ROR1: variants seen among roughly 807,000 people sequenced by gnomAD.
The protein encoded by ROR1 is ROR family WNT receptor 1, also known as inactive tyrosine-protein kinase transmembrane receptor ROR1.
In ROR1, 19 loss-of-function variants were observed where a neutral mutation model predicts 78.8. That is an observed-to-expected ratio of 0.24 (90% CI 0.17 to 0.35). The LOEUF is 0.35. Among genes scored for constraint, ROR1 ranks in the 10% least tolerant of loss-of-function variants. ROR1 has a pLI of 1.00. For synonymous variants in ROR1, 386 were observed against 433.6 expected (o/e 0.89, Z 1.36); for missense variants, 917 against 1,177.8 (o/e 0.78, Z 3.24).
At chr1:63,815,792 C>T (rs552150040) in intron 1 of ROR1, among the ~76,000 whole-genome samples, 88 of 152,092 alleles carry the variant, frequency 5.8e-4, no homozygotes, top group African/African-American at 1.8e-3. Flanking sequence ...TGTGGGGAAC[C>T]GCCATGAATT....
At chr1:64,065,603 G>A (rs767135107) in intron 4 of ROR1, among the ~76,000 whole-genome samples, 4 of 152,134 alleles carry the variant, frequency 2.6e-5, no homozygotes, top group South Asian at 2.1e-4. Context: ...GCATACATGT[G>A]CAGAACCTCA....
intron 1 of ROR1, among the ~76,000 whole-genome samples, chr1:63,793,801 TC>T (rs1298717874): frequency 2.0e-5 from 3 of 152,192 alleles, no homozygotes; most frequent in African/African-American, 7.2e-5. Flanking sequence ...AGCCGAGCCA[TC>T]CAGTCTGAGC....
At chr1:64,098,824 C>T (rs929467267) in intron 4 of ROR1, among the ~76,000 whole-genome samples, 7 of 152,058 alleles carry the variant, frequency 4.6e-5, no homozygotes, top group Non-Finnish European at 1.0e-4. Context: ...CTTCATCAGC[C>T]TGAAATAATT....
intron 4 of ROR1, among the ~76,000 whole-genome samples, chr1:64,097,945 T>C (rs1320886649): frequency 6.6e-6 from 1 of 152,118 alleles, no homozygotes; most frequent in African/African-American, 2.4e-5. Context: ...CATGGACAAA[T>C]TTATGCAAAA....
At position 63,852,784 on chromosome 1, in the gene ROR1, A is replaced by G. The variant is rs2100332899; in HGVS notation, c.91+78276A>G. Reference sequence around the variant, plus strand: ...TGTAGCATGACAGTTCAGTCTTACCACATGTATTAACCATGGGAAACCTAG... The same window carrying G: ...TGTAGCATGACAGTTCAGTCTTACCGCATGTATTAACCATGGGAAACCTAG... On this transcript the variant is annotated intron_variant, in intron 1 of 8. Transcript: ENST00000371079. 1.3e-5 allele frequency among the ~76,000 whole-genome samples: 2 copies of G among 152,326 alleles called. 1 individual carries two copies. The highest frequency in any genetic ancestry group is 1.3e-4 in the Admixed American group (2 of 15,304).
rs557093701 is a variant in ROR1 at position 63,802,756 on chromosome 1, A to G, written c.91+28248A>G. Among the ~76,000 whole-genome samples the G allele has an allele frequency of 7.9e-5, 12 of 152,362 alleles. No homozygotes were observed. In the South Asian group the frequency reaches 1.9e-3, roughly 24 times the overall value. The stretch of plus-strand genomic sequence containing the variant: ...TAATAGTAACATACTACATATGTCA[A>G]TGTTAGACATTTAATCACCTCTAGC... On this transcript the variant is annotated intron_variant, in intron 1 of 8. Transcript: ENST00000371079.
At chr1:63,932,178 A>G (rs1405831868) in intron 1 of ROR1, among the ~76,000 whole-genome samples, 1 of 152,198 alleles carries the variant, frequency 6.6e-6, no homozygotes, top group Non-Finnish European at 1.5e-5. Context: ...CAAGATGCTC[A>G]ATAGACCTGA....
chr1:64,012,502 T>C (rs929383977), intron 2 of ROR1, among the ~76,000 whole-genome samples: 11 of 152,244 alleles, frequency 7.2e-5, no homozygotes, highest in Admixed American at 3.3e-4. Context: ...TAAAACCAGC[T>C]CTTAAAAATG....
At chr1:63,934,484 G>T (rs1013575752) in intron 1 of ROR1, among the ~76,000 whole-genome samples, 1 of 152,078 alleles carries the variant, frequency 6.6e-6, no homozygotes, top group Non-Finnish European at 1.5e-5. Context: ...ACAAATATTA[G>T]GTGCTATCAT....
intron 1 of ROR1, among the ~76,000 whole-genome samples, chr1:63,883,814 C>A (rs1645339277): frequency 6.6e-6 from 1 of 152,184 alleles, no homozygotes; most frequent in Admixed American, 6.5e-5. Context: ...TCACGATACA[C>A]CTTCCCCTGC....
intron 1 of ROR1, among the ~76,000 whole-genome samples, chr1:63,775,654 C>T (rs1356176655): frequency 6.6e-6 from 1 of 152,228 alleles, no homozygotes; most frequent in Non-Finnish European, 1.5e-5. Flanking sequence ...GATGTATTCA[C>T]TACATAGACT....
chr1:64,112,065 G>A (rs187547422), intron 4 of ROR1: 1 of 152,266 alleles, frequency 6.6e-6, no homozygotes, highest in East Asian at 1.9e-4. Context: ...AGCCATGGGT[G>A]TCTTACATGA....
intron 1 of ROR1, among the ~76,000 whole-genome samples, chr1:63,939,267 T>C (rs914103012): frequency 2.6e-5 from 4 of 152,124 alleles, no homozygotes; most frequent in Non-Finnish European, 5.9e-5. Flanking sequence ...CATGCCCAGG[T>C]CAGCTTTAAG....
chr1:64,065,628 A>C (rs559005702), intron 4 of ROR1, among the ~76,000 whole-genome samples: 2 of 152,192 alleles, frequency 1.3e-5, no homozygotes, highest in African/African-American at 2.4e-5. Context: ...CAAGAAGTCC[A>C]GTAGTGGAGG....
intron 7 of ROR1, among the ~76,000 whole-genome samples, chr1:64,147,925 T>C (rs1221692507): frequency 1.3e-5 from 2 of 152,140 alleles, no homozygotes; most frequent in Non-Finnish European, 2.9e-5. Context: ...GGGATGCTAC[T>C]GGCAACTGTT....
chr1:64,014,773 T>TATATATATATATATACACACAC (rs71056017), intron 2 of ROR1, among the ~76,000 whole-genome samples: 2 of 47,012 alleles, frequency 4.3e-5, no homozygotes, highest in Non-Finnish European at 4.6e-5. Flanking sequence ...TATATATATA[T>TATATATATATATATACACACAC]ACACATTTTG....
intron 1 of ROR1, among the ~76,000 whole-genome samples, chr1:63,903,140 T>G (rs2100405833): frequency 6.6e-6 from 1 of 152,224 alleles, no homozygotes; most frequent in Admixed American, 6.5e-5. Flanking sequence ...AAAATCAGGG[T>G]TCTGTTAAGA....
chr1:63,896,232 C>T (rs947042304), intron 1 of ROR1, among the ~76,000 whole-genome samples: 4 of 151,666 alleles, frequency 2.6e-5, no homozygotes, highest in African/African-American at 9.7e-5. Context: ...ATAAATATAC[C>T]CTTTCTGAAG....
intron 1 of ROR1, among the ~76,000 whole-genome samples, chr1:63,861,521 A>G (rs1174633706): frequency 3.3e-5 from 5 of 152,198 alleles, no homozygotes; most frequent in Admixed American, 3.3e-4. Context: ...ATTGTGTAGC[A>G]GTGCCTGGTT....
Sources: allele counts gnomAD v4.1 joint callset (sites outside exome capture counted in the v4.1 genomes callset), GRCh38; gene constraint gnomAD v4.1.1; transcripts MANE v1.5; gene names NCBI Gene and HGNC (gene_info 2026-07-23, HGNC 2026-07-21).